The following EIF4G3 variants were observed in gnomAD, a reference collection of about 807,000 sequenced individuals.
EIF4G3 encodes eIF-4-gamma 3.
Under a neutral mutation model 186.4 loss-of-function variants are expected in EIF4G3, and 34 were observed. The ratio of observed to expected loss-of-function variants is 0.18; its 90% CI spans 0.14 to 0.24. The LOEUF is 0.24. EIF4G3 is among the 10% of genes least tolerant of loss of function. The pLI is 1.00. For missense variants in EIF4G3, 1,536 were observed against 1,948.5 expected, an observed-to-expected ratio of 0.79 and a Z score of 3.99; for synonymous variants, 673 against 679.5, an observed-to-expected ratio of 0.99 and a Z score of 0.15.
At chr1:21,079,806 G>C (rs2095708635) in intron 3 of EIF4G3, among the ~76,000 whole-genome samples, 1 of 152,004 alleles carries the variant, frequency 6.6e-6, no homozygotes, top group African/African-American at 2.4e-5. Flanking sequence ...TGACATTAGA[G>C]ACCAGCCTGG....
Position 21,115,863 on chromosome 1 carries a change from T to A in EIF4G3, c.-271-26650A>T, listed in dbSNP as rs149549258. On this transcript the variant is annotated intron_variant, in intron 2 of 36. Coordinates refer to ENST00000602326, the MANE Select transcript of EIF4G3 (RefSeq NM_001391906.1). ...TCCCAAGTATCTAGGAATATACAGGTAGGGACCACCATGCCCAGCTAATTT... is the reference window on the plus strand; with the variant it reads ...TCCCAAGTATCTAGGAATATACAGGAAGGGACCACCATGCCCAGCTAATTT... 7.2e-3 allele frequency among the ~76,000 whole-genome samples: 1,096 copies of A among 152,150 alleles called. 10 individuals carry two copies. The highest frequency in any genetic ancestry group is 0.011 in the Non-Finnish European group (765 of 67,976).
chr1:20,892,181 C>T (rs1008586065), intron 18 of EIF4G3, among the ~76,000 whole-genome samples: 4 of 152,232 alleles, frequency 2.6e-5, no homozygotes, highest in Admixed American at 6.5e-5. Flanking sequence ...AAAGGTGATG[C>T]GGAAACAAAA....
chr1:21,058,923 G>A (rs1348731241), intron 3 of EIF4G3, among the ~76,000 whole-genome samples: 1 of 150,586 alleles, frequency 6.6e-6, no homozygotes, highest in Non-Finnish European at 1.5e-5. Context: ...ACACAAACAG[G>A]CATTGACTGA....
intron 2 of EIF4G3, among the ~76,000 whole-genome samples, chr1:21,142,710 T>A (rs1423016398): frequency 6.6e-6 from 1 of 152,198 alleles, no homozygotes; most frequent in Non-Finnish European, 1.5e-5. Context: ...CTTCCCTTCA[T>A]ACATTTTGAT....
At chr1:21,080,782 A>G (rs554112092) in intron 3 of EIF4G3, among the ~76,000 whole-genome samples, 2 of 152,282 alleles carry the variant, frequency 1.3e-5, no homozygotes, top group Non-Finnish European at 2.9e-5. Context: ...TGCTGGGATT[A>G]CAGGCATAAG....
chr1:20,940,874 T>C (rs889482996), intron 14 of EIF4G3, among the ~76,000 whole-genome samples: 17 of 152,166 alleles, frequency 1.1e-4, no homozygotes, highest in Non-Finnish European at 1.5e-4. Flanking sequence ...GGGAAGAATA[T>C]AATACTCCAA....
At chr1:20,828,666 A>G (rs1442292258) in intron 31 of EIF4G3, among the ~76,000 whole-genome samples, 3 of 152,234 alleles carry the variant, frequency 2.0e-5, no homozygotes, top group Non-Finnish European at 4.4e-5. Context: ...CCACCGGTCT[A>G]TATAACGTAG....
At chr1:20,907,055 A>G (rs376939802) in intron 14 of EIF4G3, among the ~76,000 whole-genome samples, 2 of 152,214 alleles carry the variant, frequency 1.3e-5, no homozygotes, top group East Asian at 1.9e-4. Flanking sequence ...GGGGAATTAA[A>G]TTTAAGATAC....
chr1:20,970,690 G>A (rs1246617066), intron 11 of EIF4G3, among the ~76,000 whole-genome samples: 1 of 152,022 alleles, frequency 6.6e-6, no homozygotes, highest in African/African-American at 2.4e-5. Flanking sequence ...CTGGCCGGGC[G>A]CAGTGGCTCA....
At chr1:20,957,588 A>T (rs1180643543) in intron 12 of EIF4G3, among the ~76,000 whole-genome samples, 1 of 151,966 alleles carries the variant, frequency 6.6e-6, no homozygotes. Flanking sequence ...CAAACAAACA[A>T]AAAAAGCATT....
At chr1:20,982,669 A>C (rs2078543470) in intron 7 of EIF4G3, among the ~76,000 whole-genome samples, 1 of 152,212 alleles carries the variant, frequency 6.6e-6, no homozygotes, top group Non-Finnish European at 1.5e-5. Flanking sequence ...ATTAATAGCC[A>C]CAAGTTATAG....
At chr1:21,176,046 A>T (rs2103125629) in intron 2 of EIF4G3, 129 bp downstream of exon 2, 1 of 259,674 alleles carries the variant, frequency 3.9e-6, no homozygotes, top group Middle Eastern at 1.2e-3. Context: ...AGCCCGATGC[A>T]GGGGCTTGAG....
At chr1:21,017,557 G>C (rs555008438) in intron 4 of EIF4G3, among the ~76,000 whole-genome samples, 11 of 148,626 alleles carry the variant, frequency 7.4e-5, no homozygotes, top group Non-Finnish European at 1.3e-4. Context: ...GAACCCAGGA[G>C]GTGGAGCTTG....
intron 2 of EIF4G3, among the ~76,000 whole-genome samples, chr1:21,133,066 G>C (rs1573049731): frequency 6.6e-6 from 1 of 152,158 alleles, no homozygotes; most frequent in South Asian, 2.1e-4. Context: ...TTATAGGTGT[G>C]AGCAATCATG....
intron 2 of EIF4G3, among the ~76,000 whole-genome samples, chr1:21,102,040 C>T (rs1426259677): frequency 1.3e-5 from 2 of 152,068 alleles, no homozygotes; most frequent in African/African-American, 4.8e-5. Context: ...CACCAAAGCC[C>T]AATTAAGATG....
intron 19 of EIF4G3, among the ~76,000 whole-genome samples, chr1:20,883,889 T>A (rs1413427766): frequency 2.0e-5 from 3 of 152,116 alleles, no homozygotes; most frequent in Non-Finnish European, 4.4e-5. Context: ...AATCAGTGTT[T>A]CAGGTAGATG....
intron 4 of EIF4G3, among the ~76,000 whole-genome samples, chr1:21,033,775 A>G (rs757838325): frequency 6.6e-5 from 10 of 152,340 alleles, no homozygotes; most frequent in East Asian, 1.9e-4. Context: ...TGTATGATCA[A>G]TCTTTCTAGT....
rs979665832 is a variant in EIF4G3, at chr1:20,807,283, A to G, written c.*36T>C. 1.3e-6 allele frequency: 2 copies of G among 1,542,278 alleles called. No individual in the cohort carries two copies. The highest frequency in any genetic ancestry group is 1.8e-6 in the Non-Finnish European group (2 of 1,137,624). On this transcript the variant is annotated 3_prime_UTR_variant, in exon 37 of 37. Transcript: ENST00000602326. ...TGAAACTTTTTAAAAAAATACTTAA[A>G]TTGTTTCTTTTGTTTCATTTTGTGT... is the stretch of plus-strand genomic sequence containing the variant.
chr1:20,951,048 T>C (rs899247655), intron 12 of EIF4G3, among the ~76,000 whole-genome samples: 1 of 151,998 alleles, frequency 6.6e-6, no homozygotes, highest in Non-Finnish European at 1.5e-5. Context: ...TAGAGCTCCC[T>C]GCACAATTCT....
Sources: gnomAD v4.1 joint callset for allele counts (sites outside exome capture counted in the v4.1 genomes callset) on GRCh38, gnomAD v4.1.1 for gene constraint, MANE v1.5 for transcripts, NCBI Gene and HGNC (gene_info 2026-07-23, HGNC 2026-07-21) for gene names.